The following STK10 variants were observed in gnomAD, a reference collection of about 807,000 sequenced individuals.
STK10 encodes serine/threonine kinase 10.
STK10 carries 78 observed loss-of-function variants against 113.8 expected under a neutral mutation model. The observed-to-expected ratio is 0.69, with a 90% CI of 0.57 to 0.83. The LOEUF (loss-of-function observed/expected upper bound fraction) is 0.83. Ranked by LOEUF, STK10 falls within the 40% of genes least tolerant of loss-of-function variation. The pLI, the probability that STK10 is intolerant of heterozygous loss-of-function variation, is 0.00. For synonymous variants in STK10, 465 were observed against 494.7 expected (o/e 0.94, Z 0.80); for missense variants, 1,109 against 1,280.1 (o/e 0.87, Z 2.04).
chr5:172,081,244 G>A (rs1302244677), intron 12 of STK10, among the ~76,000 whole-genome samples: 6 of 151,644 alleles, frequency 4.0e-5, no homozygotes, highest in South Asian at 4.2e-4. Flanking sequence ...CCAGCTACTC[G>A]GGAGGCTGAG....
At chr5:172,129,678 A>G (rs963869218) in intron 2 of STK10, among the ~76,000 whole-genome samples, 1 of 152,234 alleles carries the variant, frequency 6.6e-6, no homozygotes, top group African/African-American at 2.4e-5. Context: ...TTTGAAGCAC[A>G]GCATATCATT....
At chr5:172,051,821 T>G (rs1039681253) in intron 18 of STK10, among the ~76,000 whole-genome samples, 3 of 151,898 alleles carry the variant, frequency 2.0e-5, no homozygotes, top group Non-Finnish European at 4.4e-5. Flanking sequence ...GCCACCAGGA[T>G]GTTGGTATTG....
At position 172,106,721 on chromosome 5, in the gene STK10, C is replaced by G. The variant is rs756887810; in HGVS notation, c.687G>C (p.Glu229Asp). 17 of 1,614,032 alleles carry G rather than the reference C, an allele frequency of 1.1e-5. No homozygotes were observed. Among genetic ancestry groups the G allele is most frequent in the Non-Finnish European group, 1.4e-5 (17 of 1,180,038 alleles). ...GGTGTGGCGGCTCGATCTGGGCCAT[C>G]TCAATCAGCGTGATGCCCAGGGACC... ...DIWSLGITLIEMAQIEPPHHE... is the reference protein window; with the variant it reads ...DIWSLGITLIDMAQIEPPHHE... The change falls in exon 6 of 19, where the codon GAG becomes GAC. Residue 229 changes from glutamate to aspartate, a missense_variant. Coordinates refer to ENST00000176763, the MANE Select transcript of STK10 (RefSeq NM_005990.4).
intron 12 of STK10, among the ~76,000 whole-genome samples, chr5:172,071,081 G>A (rs1352567329): frequency 4.0e-5 from 6 of 151,182 alleles, no homozygotes; most frequent in African/African-American, 1.2e-4. Flanking sequence ...GTGGTGGCAC[G>A]CACCTGTAAT....
In STK10 at chr5:172,120,003, C is replaced by A. The variant is rs1457178333; in HGVS notation, c.371-2373G>T. On this transcript the variant is annotated intron_variant, in intron 3 of 18. Coordinates refer to ENST00000176763, the MANE Select transcript of STK10 (RefSeq NM_005990.4). The surrounding 1 kb of genome is among the most constrained non-coding windows in gnomAD (Gnocchi z 4.0). Reference sequence around the variant, plus strand: ...GGCACCAAAGCAGAGAGGAGGAAAGCTGCTCAATGGACAGATTAGGGAGGT... The same window carrying A: ...GGCACCAAAGCAGAGAGGAGGAAAGATGCTCAATGGACAGATTAGGGAGGT... Among the ~76,000 whole-genome samples the A allele has an allele frequency of 6.6e-6, 1 of 152,144 alleles. No homozygotes were observed. Among genetic ancestry groups the A allele is most frequent in the Non-Finnish European group, 1.5e-5 (1 of 68,014 alleles).
intron 2 of STK10, among the ~76,000 whole-genome samples, chr5:172,138,446 C>T (rs933314629): frequency 6.6e-6 from 1 of 151,984 alleles, no homozygotes; most frequent in African/African-American, 2.4e-5. Context: ...TGTTGGTATA[C>T]AACATAATCT....
intron 2 of STK10, among the ~76,000 whole-genome samples, chr5:172,153,240 C>T (rs935639653): frequency 3.4e-5 from 5 of 147,566 alleles, no homozygotes; most frequent in Non-Finnish European, 5.9e-5. Flanking sequence ...GAGCTGAAAT[C>T]GCGCCATTGC....
intron 10 of STK10, among the ~76,000 whole-genome samples, chr5:172,088,570 T>C (rs561938824): frequency 8.9e-4 from 136 of 152,300 alleles, no homozygotes; most frequent in African/African-American, 3.1e-3. Flanking sequence ...AATTCACATG[T>C]ATAAAAATAT....
chr5:172,127,349 T>A, intron 3 of STK10, 24 bp downstream of exon 3: 2 of 1,613,476 alleles, frequency 1.2e-6, no homozygotes, highest in South Asian at 2.2e-5. Context: ...GTCCCGACAA[T>A]GCACCGAATC....
chr5:172,128,310 G>C (rs1769672333), intron 2 of STK10, among the ~76,000 whole-genome samples: 1 of 146,810 alleles, frequency 6.8e-6, no homozygotes, highest in Admixed American at 6.8e-5. Flanking sequence ...CGGGCTCTTT[G>C]CATAGATGCT....
intron 1 of STK10, among the ~76,000 whole-genome samples, chr5:172,170,124 T>C (rs79142225): frequency 0.013 from 1,471 of 112,832 alleles, 30 homozygotes; most frequent in African/African-American, 0.09. Flanking sequence ...TATGTATCCT[T>C]TTTTTTTTTT....
At chr5:172,081,250 C>T (rs1441314293) in intron 12 of STK10, among the ~76,000 whole-genome samples, 1 of 150,368 alleles carries the variant, frequency 6.7e-6, no homozygotes, top group Non-Finnish European at 1.5e-5. Context: ...ACTCGGGAGG[C>T]TGAGGCAGAA....
chr5:172,061,982 CTT>C (rs1010011082), intron 13 of STK10, among the ~76,000 whole-genome samples: 10 of 142,048 alleles, frequency 7.0e-5, no homozygotes, highest in Admixed American at 1.4e-4. Flanking sequence ...TTTCTTTTTT[CTT>C]TTTTTTTTTT....
At chr5:172,148,402 A>G (rs1056706763) in intron 2 of STK10, among the ~76,000 whole-genome samples, 3 of 152,194 alleles carry the variant, frequency 2.0e-5, no homozygotes, top group African/African-American at 7.2e-5. Context: ...AGGAAGGGCT[A>G]CATGGACGTG....
At chr5:172,155,586 C>CAAACTA (rs1770331686) in intron 2 of STK10, among the ~76,000 whole-genome samples, 1 of 146,920 alleles carries the variant, frequency 6.8e-6, no homozygotes, top group Non-Finnish European at 1.5e-5. Context: ...TTTATAAGAG[C>CAAACTA]AAAATAAAAA....
rs867883129 is a variant in STK10, at chr5:172,103,188, C to T, written c.870+2468G>A. ...CCCACCTCTGTCACTCAAAGCCAAGCGGCCTGGGGCCAGTCACCTCCCTGC... is the reference window on the plus strand; with the variant it reads ...CCCACCTCTGTCACTCAAAGCCAAGTGGCCTGGGGCCAGTCACCTCCCTGC... On this transcript the variant is annotated intron_variant, in intron 7 of 18. Transcript: ENST00000176763. Among the ~76,000 whole-genome samples, 7 of 152,330 alleles carry T rather than the reference C, an allele frequency of 4.6e-5. No homozygotes were observed. The South Asian group carries it at 1.2e-3, about 27-fold the overall frequency.
At position 172,187,837 on chromosome 5, in the gene STK10, C is replaced by T; in HGVS notation, c.156+50G>A. The T allele has an allele frequency of 6.3e-7, 1 of 1,597,090 alleles. No individual in the cohort carries two copies. The highest frequency in any genetic ancestry group is 8.5e-7 in the Non-Finnish European group (1 of 1,172,304). On this transcript the variant is annotated intron_variant, in intron 1 of 18. Coordinates refer to ENST00000176763, the MANE Select transcript of STK10 (RefSeq NM_005990.4). The surrounding 1 kb of genome is among the most constrained non-coding windows in gnomAD (Gnocchi z 4.6). Reference sequence around the variant, plus strand: ...CCGGGTCCGGCTCAGGCATCCCTTCCTTCCGGAGCCCCTCGACGCGCGTCC... The same window carrying T: ...CCGGGTCCGGCTCAGGCATCCCTTCTTTCCGGAGCCCCTCGACGCGCGTCC...
Position 172,178,857 on chromosome 5 carries a change from G to A in STK10, c.156+9030C>T, listed in dbSNP as rs935941646. Among the ~76,000 whole-genome samples the A allele has an allele frequency of 2.6e-5, 4 of 152,176 alleles. No homozygotes were observed. The South Asian group carries it at 8.3e-4, about 31-fold the overall frequency. ...AGCCATTATGCCTCCCTCCCCCATG[G>A]AGCATGTGGCAACGTCTGGGGACAC... On this transcript the variant is annotated intron_variant, in intron 1 of 18. Transcript: ENST00000176763.
intron 9 of STK10, chr5:172,092,676 G>C (rs1289449825): frequency 6.6e-6 from 1 of 152,206 alleles, no homozygotes; most frequent in African/African-American, 2.4e-5. Flanking sequence ...AAATCATACA[G>C]TATTTCCTCT....
Sources: allele counts gnomAD v4.1 joint callset (sites outside exome capture counted in the v4.1 genomes callset), GRCh38; gene constraint gnomAD v4.1.1; non-coding constraint Gnocchi (gnomAD v3.1); transcripts MANE v1.5; gene names NCBI Gene and HGNC (gene_info 2026-07-23, HGNC 2026-07-21).